Variants in TET3 observed in about 807,000 individuals in gnomAD.
TET3 encodes tet methylcytosine dioxygenase 3.
A neutral mutation model predicts 141.4 loss-of-function variants in TET3; 19 were observed. That is an observed-to-expected ratio of 0.13 (90% CI 0.09 to 0.20). TET3 has a LOEUF of 0.20. TET3 is among the 10% of genes least tolerant of loss of function. The pLI, the probability that TET3 is intolerant of heterozygous loss-of-function variation, is 1.00. For synonymous variants in TET3, 1,043 were observed against 980.9 expected, an observed-to-expected ratio of 1.06 and a Z score of -1.18; for missense variants, 1,874 against 2,356.9, an observed-to-expected ratio of 0.80 and a Z score of 4.24.
rs200989975 is a variant in TET3, at chr2:74,047,373, A to C, written c.1456A>C (p.Thr486Pro). 1.2e-6 allele frequency: 2 copies of C among 1,613,830 alleles called. No homozygotes were observed. The highest frequency in any genetic ancestry group is 1.1e-5 in the South Asian group (1 of 91,072). The change falls in exon 4 of 12, where the codon ACC becomes CCC. Residue 486 changes from threonine to proline, a missense_variant. This residue lies in a region of TET3 where 484 missense variants were observed against 462.2 expected (regional missense o/e 1.05). Coordinates refer to ENST00000409262, the MANE Select transcript of TET3 (RefSeq NM_001287491.2). The stretch of plus-strand genomic sequence containing the variant: ...ATTCAAGCGGCCTGAGGCCCTGCCT[A>C]CCAAGCCCAAGGTCAAGGTGGAGGC... ...SVFKRPEALP[T>P]KPKVKVEAPS...
Position 74,093,763 on chromosome 2 carries a change from A to G in TET3, c.3267+97A>G. The G allele has an allele frequency of 1.4e-6, 2 of 1,386,354 alleles. No homozygotes were observed. The highest frequency in any genetic ancestry group is 9.5e-7 in the Non-Finnish European group (1 of 1,055,556). The allele number at this position is 1,386,354 out of a possible 1,614,324, so 85.9% of individuals were successfully genotyped here. On this transcript the variant is annotated intron_variant, in intron 10 of 11. Coordinates refer to ENST00000409262, the MANE Select transcript of TET3 (RefSeq NM_001287491.2). The surrounding 1 kb of genome is among the most constrained non-coding windows in gnomAD (Gnocchi z 4.2). The stretch of plus-strand genomic sequence containing the variant: ...AAAGGCAGGCTGAGGGTAGGGAGGG[A>G]CCTGGAGACAGGATCCTCAGAACTC...
At chr2:74,010,533 T>C (rs1685376577) in intron 3 of TET3, among the ~76,000 whole-genome samples, 1 of 152,234 alleles carries the variant, frequency 6.6e-6, no homozygotes, top group Non-Finnish European at 1.5e-5. Context: ...CAACTGCTTA[T>C]TGGAATCATC....
chr2:74,001,716 C>G (rs1684856251), intron 2 of TET3, among the ~76,000 whole-genome samples: 1 of 152,176 alleles, frequency 6.6e-6, no homozygotes, highest in Non-Finnish European at 1.5e-5. Flanking sequence ...CCTCTCTGTT[C>G]TTTCTCATCC....
chr2:74,013,605 C>G (rs993757044), intron 3 of TET3, among the ~76,000 whole-genome samples: 3 of 151,686 alleles, frequency 2.0e-5, no homozygotes, highest in Non-Finnish European at 4.4e-5. Context: ...GTCAGGAGAT[C>G]GAGACCATCC....
intron 10 of TET3, among the ~76,000 whole-genome samples, chr2:74,094,971 C>T (rs763163014): frequency 2.0e-5 from 3 of 152,108 alleles, no homozygotes; most frequent in Admixed American, 1.3e-4. Context: ...GTGAGGCCGA[C>T]GCCATCAGCA....
intron 4 of TET3, 39 bp from the exon 5 acceptor site, chr2:74,073,510 T>C (rs1454093526): frequency 3.4e-6 from 5 of 1,490,330 alleles, no homozygotes; most frequent in Non-Finnish European, 4.6e-6. Flanking sequence ...TATTGACTAA[T>C]TGATATTCCA....
intron 3 of TET3, among the ~76,000 whole-genome samples, chr2:74,040,347 A>G (rs1687279852): frequency 6.6e-6 from 1 of 152,192 alleles, no homozygotes; most frequent in South Asian, 2.1e-4. Flanking sequence ...AGAAGGACCC[A>G]GATTGGGAAG....
chr2:74,059,074 C>T (rs1688362824), intron 4 of TET3, among the ~76,000 whole-genome samples: 2 of 152,076 alleles, frequency 1.3e-5, no homozygotes, highest in Non-Finnish European at 2.9e-5. Context: ...GTTTGCTGAC[C>T]CCTGTCCTAA....
chr2:74,061,228 T>C lies in TET3; in HGVS notation c.2495-12321T>C, dbSNP rs527798540. Among the ~76,000 whole-genome samples, 24 of 135,034 alleles carry C rather than the reference T, an allele frequency of 1.8e-4. No homozygotes were observed. In the South Asian group the frequency reaches 2.3e-3, roughly 13 times the overall value. The allele number at this position is 135,034 out of a possible 152,430, so 88.6% of individuals were successfully genotyped here. ...CCACCTCCCTCCCGGACGGGGTGGC[T>C]GGCCGGGCGGGGGGCTGACCCCCCC... On this transcript the variant is annotated intron_variant, in intron 4 of 11. Coordinates refer to ENST00000409262, the MANE Select transcript of TET3 (RefSeq NM_001287491.2).
intron 3 of TET3, among the ~76,000 whole-genome samples, chr2:74,019,086 T>G (rs997668249): frequency 6.6e-6 from 1 of 151,972 alleles, no homozygotes; most frequent in African/African-American, 2.4e-5. Flanking sequence ...CCGCCAACCC[T>G]CATCTCTACA....
chr2:74,047,464 C>G lies in TET3; in HGVS notation c.1547C>G (p.Ser516Trp), dbSNP rs761793358. 4.3e-6 allele frequency: 7 copies of G among 1,612,338 alleles called. No homozygotes were observed. In the South Asian group the frequency reaches 7.7e-5, roughly 18 times the overall value. The change falls in exon 4 of 12, where the codon TCG becomes TGG. Residue 516 changes from serine to tryptophan, a missense_variant. Physicochemically the swap from Ser to Trp is radical, Grantham distance 177. This residue lies in a region of TET3 where 484 missense variants were observed against 462.2 expected (regional missense o/e 1.05). Coordinates refer to ENST00000409262, the MANE Select transcript of TET3 (RefSeq NM_001287491.2). The stretch of plus-strand genomic sequence containing the variant: ...CAGAGGGAGGCTCCCACGCCATCCT[C>G]GGAGCCCGACACCCACCAGAAGGCC... ...VLQREAPTPS[S>W]EPDTHQKAQT...
Position 74,047,552 on chromosome 2 carries a change from C to G in TET3, c.1635C>G (p.Asp545Glu). The change falls in exon 4 of 12, where the codon GAC (aspartate) becomes GAG (glutamate). Residue 545 changes from aspartate to glutamate, a missense_variant. Asp to Glu is a conservative substitution (Grantham distance 45, BLOSUM62 2). This residue lies in a region of TET3 where 484 missense variants were observed against 462.2 expected (regional missense o/e 1.05). Coordinates refer to ENST00000409262, the MANE Select transcript of TET3 (RefSeq NM_001287491.2). ...GCCTCTTCCTAGAACAGGTGCACGA[C>G]ACCTCCTTCCCTGCTCCTTCAGAGC... is the stretch of plus-strand genomic sequence containing the variant. ...KRSLFLEQVH[D>E]TSFPAPSEPS... 1 of 1,613,882 alleles carries G rather than the reference C, an allele frequency of 6.2e-7. No individual in the cohort carries two copies. The highest frequency in any genetic ancestry group is 8.5e-7 in the Non-Finnish European group (1 of 1,179,900).
chr2:74,023,604 T>C (rs1470677349), intron 3 of TET3, among the ~76,000 whole-genome samples: 1 of 152,208 alleles, frequency 6.6e-6, no homozygotes, highest in Non-Finnish European at 1.5e-5. Context: ...ATCCAGAGAC[T>C]TTAGGCTGTG....
At chr2:74,091,642 C>A (rs147617730) in intron 8 of TET3, among the ~76,000 whole-genome samples, 1 of 152,228 alleles carries the variant, frequency 6.6e-6, no homozygotes, top group Admixed American at 6.5e-5. Context: ...GCAGCCCTGG[C>A]GACCCCACTG....
chr2:74,060,807 C>CAT (rs901472566), intron 4 of TET3, among the ~76,000 whole-genome samples: 9 of 152,208 alleles, frequency 5.9e-5, no homozygotes, highest in African/African-American at 2.2e-4. Flanking sequence ...CCTGAGTGGA[C>CAT]ATAGCACATG....
At chr2:74,088,484 TA>T (rs532119480) in intron 7 of TET3, among the ~76,000 whole-genome samples, 1 of 151,312 alleles carries the variant, frequency 6.6e-6, no homozygotes, top group Admixed American at 6.6e-5. Context: ...CTACTAAAAA[TA>T]AAAAAATTAG....
intron 5 of TET3, among the ~76,000 whole-genome samples, chr2:74,079,303 A>G (rs1216569991): frequency 6.6e-6 from 1 of 152,144 alleles, no homozygotes; most frequent in East Asian, 1.9e-4. Context: ...CCGAGATTGC[A>G]CCACTGCATT....
At chr2:74,088,290 A>G (rs992985804) in intron 7 of TET3, among the ~76,000 whole-genome samples, 1 of 152,140 alleles carries the variant, frequency 6.6e-6, no homozygotes, top group Admixed American at 6.5e-5. Flanking sequence ...ACTGGCACTA[A>G]TGATATTAGC....
intron 4 of TET3, among the ~76,000 whole-genome samples, chr2:74,060,468 G>A (rs557206359): frequency 1.3e-5 from 2 of 152,122 alleles, no homozygotes; most frequent in African/African-American, 4.8e-5. Flanking sequence ...ATCCAAGTTC[G>A]ACTTACTTAA....
Sources: gnomAD v4.1 joint callset for allele counts (sites outside exome capture counted in the v4.1 genomes callset) on GRCh38, gnomAD v4.1.1 for gene constraint, gnomAD v4.1.1 regional missense constraint, Gnocchi (gnomAD v3.1) non-coding constraint, MANE v1.5 for transcripts, NCBI Gene and HGNC (gene_info 2026-07-23, HGNC 2026-07-21) for gene names.